PCDHGA11: variants seen among roughly 807,000 people sequenced by gnomAD.
PCDHGA11 encodes protocadherin gamma-A11.
Under a neutral mutation model 60.4 loss-of-function variants are expected in PCDHGA11, and 39 were observed. The observed-to-expected ratio is 0.65, with a 90% confidence interval of 0.50 to 0.84. The LOEUF is 0.84. Among genes scored for constraint, PCDHGA11 ranks in the 40% least tolerant of loss-of-function variants. The probability of loss-of-function intolerance (pLI) is 0.00; values close to 1 mark genes in which losing one functional copy is unlikely to be tolerated. For missense variants in PCDHGA11, 1,165 were observed against 1,197.7 expected (o/e 0.97, Z 0.40); for synonymous variants, 533 against 510.3 (o/e 1.04, Z -0.60).
intron 2 of PCDHGA11, among the ~76,000 whole-genome samples, chr5:141,496,505 A>G (rs1166234572): frequency 1.3e-5 from 2 of 152,144 alleles, no homozygotes; most frequent in Non-Finnish European, 2.9e-5. Flanking sequence ...TGTTGCCACA[A>G]GGACCCAGGA....
rs183531575 is a variant in PCDHGA11 at position 141,469,308 on chromosome 5, G to A, written c.2434-25499G>A. Among the ~76,000 whole-genome samples the A allele has an allele frequency of 2.5e-3, 379 of 152,184 alleles. 1 individual carries two copies. The highest frequency in any genetic ancestry group is 5.8e-3 in the South Asian group (28 of 4,814). On this transcript the variant is annotated intron_variant, in intron 1 of 3. Transcript: ENST00000398587. ...TAAAACAAAATAGACTGGGCACGAT[G>A]GCTCACGCCTGTAATCCCACCACTT...
chr5:141,505,742 G>A (rs1024914690), intron 3 of PCDHGA11, among the ~76,000 whole-genome samples: 1 of 152,150 alleles, frequency 6.6e-6, no homozygotes, highest in Non-Finnish European at 1.5e-5. Flanking sequence ...TACAAGTCTA[G>A]CTCTGGAATG....
Position 141,431,461 on chromosome 5 carries a change from T to C in PCDHGA11, c.2433+7801T>C, listed in dbSNP as rs1477501293. 1 of 1,613,800 alleles carries C rather than the reference T, an allele frequency of 6.2e-7. No individual in the cohort carries two copies. Among genetic ancestry groups the C allele is most frequent in the Admixed American group, 1.7e-5 (1 of 60,032 alleles). ...CGCGCATCCGCGTGATGGTTCTGGA[T>C]GCGAACGACAACGCACCAGCGTTTG... On this transcript the variant is annotated intron_variant, in intron 1 of 3. Transcript: ENST00000398587. The surrounding 1 kb of genome is among the most constrained non-coding windows in gnomAD (Gnocchi z 4.8).
chr5:141,422,331 T>C lies in PCDHGA11; in HGVS notation c.1104T>C (p.Ala368=), dbSNP rs768333038. ...ACTCTCCTCCAGGTACAGTGATTGC[T>C]CTTCTAAATGTGCAAGATCAAGATT... is the stretch of plus-strand genomic sequence containing the variant. ...LENSPPGTVI[A]LLNVQDQDSG... Residue 368 remains alanine (A), a synonymous_variant, in exon 1 of 4, where the codon GCT becomes GCC. Transcript: ENST00000398587. 6.5e-7 allele frequency: 1 copy of C among 1,548,508 alleles called. No individual in the cohort carries two copies. The highest frequency in any genetic ancestry group is 1.3e-5 in the South Asian group (1 of 77,732).
At chr5:141,474,998 T>C (rs1029967243) in intron 1 of PCDHGA11, among the ~76,000 whole-genome samples, 1 of 152,260 alleles carries the variant, frequency 6.6e-6, no homozygotes, top group Non-Finnish European at 1.5e-5. Context: ...CAATTCTAAA[T>C]GCAGAAAAGT....
chr5:141,444,897 G>T (rs1445334623), intron 1 of PCDHGA11, among the ~76,000 whole-genome samples: 1 of 152,274 alleles, frequency 6.6e-6, no homozygotes, highest in African/African-American at 2.4e-5. Flanking sequence ...GAATGGGATG[G>T]CATTGCATCT....
At position 141,487,100 on chromosome 5, in the gene PCDHGA11, C is replaced by T. The variant is rs183291629; in HGVS notation, c.2434-7707C>T. On this transcript the variant is annotated intron_variant, in intron 1 of 3. Coordinates refer to ENST00000398587, the MANE Select transcript of PCDHGA11 (RefSeq NM_018914.3). The surrounding 1 kb of genome is among the most constrained non-coding windows in gnomAD (Gnocchi z 5.0). ...CCCAGCTGACCTCCCACCACAGAAG[C>T]TGGTCATTGTGGTAAAGGATAGTGG... The T allele has an allele frequency of 5.6e-4, 909 of 1,614,074 alleles. 2 individuals carry two copies. Among genetic ancestry groups the T allele is most frequent in the Non-Finnish European group, 1.4e-4 (168 of 1,179,960 alleles).
intron 1 of PCDHGA11, 90 bp downstream of exon 1, chr5:141,423,750 TGGG>T: frequency 4.5e-5 from 13 of 287,436 alleles, no homozygotes; most frequent in South Asian, 1.7e-4. Flanking sequence ...GAAAACTGTT[TGGG>T]GGGGGGGTGG....
At chr5:141,434,561 G>A (rs2097702856) in intron 1 of PCDHGA11, among the ~76,000 whole-genome samples, 1 of 152,188 alleles carries the variant, frequency 6.6e-6, no homozygotes, top group Non-Finnish European at 1.5e-5. Flanking sequence ...GTGCCTTAAG[G>A]ACATGCCCCT....
intron 1 of PCDHGA11, chr5:141,478,259 T>G: frequency 6.2e-7 from 1 of 1,614,182 alleles, no homozygotes. Context: ...AGTAATCATA[T>G]TCAAAGTTTA....
chr5:141,494,801 C>T lies in PCDHGA11; in HGVS notation c.2434-6C>T, dbSNP rs2099757031. ...CTCAGCCCCTTTCCCTCTGTTTTCTCCACAGCAAGCCCCGCCCAACACGGA... is the reference window on the plus strand; with the variant it reads ...CTCAGCCCCTTTCCCTCTGTTTTCTTCACAGCAAGCCCCGCCCAACACGGA... On this transcript the variant is annotated splice_polypyrimidine_tract_variant and splice_region_variant and intron_variant, in intron 1 of 3. Transcript: ENST00000398587. The T allele has an allele frequency of 6.2e-7, 1 of 1,614,146 alleles. No individual in the cohort carries two copies. The highest frequency in any genetic ancestry group is 2.2e-5 in the East Asian group (1 of 44,880).
chr5:141,422,888 T>C lies in PCDHGA11; in HGVS notation c.1661T>C (p.Leu554Pro). 1.2e-6 allele frequency: 2 copies of C among 1,614,262 alleles called. No homozygotes were observed. The highest frequency in any genetic ancestry group is 2.2e-5 in the South Asian group (2 of 91,092). The part of the protein sequence containing the change: ...SSNVSLSLFV[L>P]DQNDNAPEIL... ...AACGTGTCGCTGAGCCTGTTCGTGC[T>C]GGACCAGAACGACAATGCGCCCGAG... is the stretch of plus-strand genomic sequence containing the variant. The change falls in exon 1 of 4, where the codon CTG becomes CCG. Residue 554 changes from leucine (L) to proline (P), a missense_variant. Coordinates refer to ENST00000398587, the MANE Select transcript of PCDHGA11 (RefSeq NM_018914.3).
chr5:141,433,204 C>CT, intron 1 of PCDHGA11: 2 of 1,566,944 alleles, frequency 1.3e-6, no homozygotes, highest in Admixed American at 2.0e-5. Flanking sequence ...ATCAAATCTT[C>CT]TTTCTTTTTT....
In PCDHGA11 at chr5:141,432,293, G is replaced by C. The variant is rs765631138; in HGVS notation, c.2433+8633G>C. Reference sequence around the variant, plus strand: ...CTACGTGTCCATCAACTCCGACACTGGGGTACTGTATGCGCTGAGCTCCTT... The same window carrying C: ...CTACGTGTCCATCAACTCCGACACTCGGGTACTGTATGCGCTGAGCTCCTT... On this transcript the variant is annotated intron_variant, in intron 1 of 3. Coordinates refer to ENST00000398587, the MANE Select transcript of PCDHGA11 (RefSeq NM_018914.3). This position sits in a 1 kb window ranked among gnomAD's most constrained non-coding sequence, Gnocchi z 6.0. 6.2e-7 allele frequency: 1 copy of C among 1,614,254 alleles called. No individual in the cohort carries two copies.
chr5:141,488,040 G>A (rs1212272063), intron 1 of PCDHGA11, among the ~76,000 whole-genome samples: 1 of 152,112 alleles, frequency 6.6e-6, no homozygotes, highest in Non-Finnish European at 1.5e-5. Flanking sequence ...CATTTCCCAA[G>A]GGATTGAGGG....
intron 3 of PCDHGA11, 162 bp downstream of exon 3, chr5:141,505,643 T>C: frequency 1.0e-6 from 1 of 967,852 alleles, no homozygotes. Context: ...AAGCCTGGAA[T>C]TGTGGCTAAG....
Position 141,421,051 on chromosome 5 carries a change from A to G in PCDHGA11, c.-177A>G, listed in dbSNP as rs1330155141. The G allele has an allele frequency of 1.4e-5, 8 of 559,830 alleles. No homozygotes were observed. The highest frequency in any genetic ancestry group is 2.6e-5 in the South Asian group (1 of 38,466). The allele number at this position is 559,830 out of a possible 1,614,324, so 34.7% of individuals were successfully genotyped here. On this transcript the variant is annotated 5_prime_UTR_variant, in exon 1 of 4. Coordinates refer to ENST00000398587, the MANE Select transcript of PCDHGA11 (RefSeq NM_018914.3). The stretch of plus-strand genomic sequence containing the variant: ...TTGAGTCCCTCCCTCCCCCGCCTCT[A>G]CCACACAAAGCGGAATGAGATGGAT...
At chr5:141,494,364 G>A (rs1461560857) in intron 1 of PCDHGA11, among the ~76,000 whole-genome samples, 1 of 152,202 alleles carries the variant, frequency 6.6e-6, no homozygotes, top group African/African-American at 2.4e-5. Context: ...TGCAGAGGAT[G>A]CTTTGTTCCC....
chr5:141,465,778 A>G (rs544366126), intron 1 of PCDHGA11, among the ~76,000 whole-genome samples: 1 of 148,538 alleles, frequency 6.7e-6, no homozygotes, highest in East Asian at 1.9e-4. Context: ...CTCTTGTTAC[A>G]GTTTTTTTTT....
Sources: gnomAD v4.1 joint callset for allele counts (sites outside exome capture counted in the v4.1 genomes callset) on GRCh38, gnomAD v4.1.1 for gene constraint, Gnocchi (gnomAD v3.1) non-coding constraint, MANE v1.5 for transcripts, NCBI Gene and HGNC (gene_info 2026-07-23, HGNC 2026-07-21) for gene names.